SIRT1: variants seen among roughly 807,000 people sequenced by gnomAD.
SIRT1 encodes the protein NAD-dependent protein deacetylase sirtuin-1.
In SIRT1, 24 loss-of-function variants were observed where a neutral mutation model predicts 67.9. The observed-to-expected ratio is 0.35, with a 90% CI of 0.26 to 0.50. The LOEUF (loss-of-function observed/expected upper bound fraction) is 0.50. Among genes scored for constraint, SIRT1 ranks in the 20% least tolerant of loss-of-function variants. The pLI is 0.98. For synonymous variants in SIRT1, 378 were observed against 350.7 expected (o/e 1.08, Z -0.87); for missense variants, 873 against 937.2 (o/e 0.93, Z 0.89).
At chr10:67,889,982 T>C (rs1360896260) in intron 3 of SIRT1, among the ~76,000 whole-genome samples, 3 of 152,034 alleles carry the variant, frequency 2.0e-5, no homozygotes, top group East Asian at 1.9e-4. Context: ...CACCTTTTTT[T>C]TTTTTCTTTT....
At chr10:67,888,798 A>G (rs1842525808) in intron 2 of SIRT1, 84 bp from the exon 3 acceptor site, 1 of 1,470,600 alleles carries the variant, frequency 6.8e-7, no homozygotes, top group East Asian at 2.3e-5. Flanking sequence ...ACCCTCACAG[A>G]ATGCTAACTC....
intron 7 of SIRT1, among the ~76,000 whole-genome samples, chr10:67,911,450 C>G (rs1247289726): frequency 2.0e-5 from 3 of 152,004 alleles, no homozygotes; most frequent in Admixed American, 2.0e-4. Flanking sequence ...TCCTCTGCCT[C>G]TCAAAGCATT....
Position 67,917,253 on chromosome 10 carries a change from G to A in SIRT1, c.*660G>A, listed in dbSNP as rs199763427. On this transcript the variant is annotated 3_prime_UTR_variant, in exon 9 of 9. Coordinates refer to ENST00000212015, the MANE Select transcript of SIRT1 (RefSeq NM_012238.5). ...TGGTGCTAAGAATTTCAGGATTATT[G>A]TATTTACGTTCAAATGAAGATGGCT... The A allele has an allele frequency of 6.6e-6, 1 of 152,574 alleles. No homozygotes were observed. Among genetic ancestry groups the A allele is most frequent in the Non-Finnish European group, 1.5e-5 (1 of 68,018 alleles). 9.5% of individuals were successfully genotyped at this position (152,574 alleles called of 1,614,324 possible). A position where few individuals can be genotyped will look rare whatever the true frequency, so the allele number is the denominator to read the frequency against.
chr10:67,913,034 A>G lies in SIRT1; in HGVS notation c.1915+3A>G. ...GCAGATTAGTAGGCGGCTTGATGGT[A>G]AGAAAGGCAGTCGGACCATTTTGAA... On this transcript the variant is annotated splice_donor_region_variant and intron_variant, in intron 8 of 8. Transcript: ENST00000212015. The G allele has an allele frequency of 6.3e-7, 1 of 1,586,184 alleles. No homozygotes were observed. The highest frequency in any genetic ancestry group is 1.2e-5 in the South Asian group (1 of 86,260).
At chr10:67,899,377 G>A (rs529481624) in intron 4 of SIRT1, among the ~76,000 whole-genome samples, 7 of 151,072 alleles carry the variant, frequency 4.6e-5, no homozygotes, top group East Asian at 1.9e-4. Flanking sequence ...ATACCCAGAC[G>A]TGTGCAGTAT....
chr10:67,898,075 C>G (rs1265353956), intron 4 of SIRT1, among the ~76,000 whole-genome samples: 1 of 146,206 alleles, frequency 6.8e-6, no homozygotes, highest in East Asian at 2.1e-4. Context: ...GCCTGACCAA[C>G]ATGGTGAAAC....
chr10:67,908,172 T>A (rs1258036548), intron 6 of SIRT1, 47 bp downstream of exon 6: 1 of 1,509,560 alleles, frequency 6.6e-7, no homozygotes, highest in African/African-American at 1.4e-5. Context: ...CTCTGAAGTA[T>A]TTCTTCTTTT....
At chr10:67,891,739 A>G (rs1413100335) in intron 4 of SIRT1, among the ~76,000 whole-genome samples, 185 bp downstream of exon 4, 2 of 152,092 alleles carry the variant, frequency 1.3e-5, no homozygotes, top group African/African-American at 4.8e-5. Context: ...TATCTACTTC[A>G]TTTTAGGAGT....
chr10:67,894,069 G>GTT (rs1188953851), intron 4 of SIRT1, among the ~76,000 whole-genome samples: 12 of 152,196 alleles, frequency 7.9e-5, no homozygotes, highest in African/African-American at 2.7e-4. Context: ...GAACTCCGGA[G>GTT]TTTGAGACCA....
intron 5 of SIRT1, among the ~76,000 whole-genome samples, chr10:67,907,682 T>G (rs566310122): frequency 1.8e-4 from 28 of 152,252 alleles, no homozygotes; most frequent in Non-Finnish European, 3.5e-4. Flanking sequence ...TTCTAAGAAC[T>G]GCCGAGCTAA....
Position 67,906,678 on chromosome 10 carries a change from A to G in SIRT1, c.943-112A>G, listed in dbSNP as rs138017907. 24 of 1,085,192 alleles carry G rather than the reference A, an allele frequency of 2.2e-5. No homozygotes were observed. The African/African-American group carries it at 3.0e-4, about 14-fold the overall frequency. The allele number at this position is 1,085,192 out of a possible 1,614,324, so 67.2% of individuals were successfully genotyped here. A position where few individuals can be genotyped will look rare whatever the true frequency, so the allele number is the denominator to read the frequency against. ...TCTAGATACTTTAAAATGCTCATCT[A>G]TTTCATTTTTAAAATTATGTGTGTG... On this transcript the variant is annotated intron_variant, in intron 4 of 8. Coordinates refer to ENST00000212015, the MANE Select transcript of SIRT1 (RefSeq NM_012238.5).
chr10:67,899,092 A>G (rs1190528007), intron 4 of SIRT1, among the ~76,000 whole-genome samples: 3 of 152,060 alleles, frequency 2.0e-5, no homozygotes, highest in African/African-American at 7.2e-5. Context: ...GAAACATGTC[A>G]AAGTTCTTCT....
Position 67,885,171 on chromosome 10 carries a change from C to T in SIRT1, c.430+20C>T. 2 of 1,367,516 alleles carry T rather than the reference C, an allele frequency of 1.5e-6. No homozygotes were observed. Among genetic ancestry groups the T allele is most frequent in the Non-Finnish European group, 1.9e-6 (2 of 1,052,440 alleles). The allele number at this position is 1,367,516 out of a possible 1,614,324, so 84.7% of individuals were successfully genotyped here. On this transcript the variant is annotated intron_variant, in intron 1 of 8. Transcript: ENST00000212015. ...ACCGAGGTGCGCAGGGTGCGGGCGG[C>T]CGGAACTGCGCATCTCCTCCTCCCT...
rs1223860015 is a variant in SIRT1 at position 67,888,882 on chromosome 10, G to A, written c.548G>A (p.Gly183Asp). 1 of 1,606,846 alleles carries A rather than the reference G, an allele frequency of 6.2e-7. No individual in the cohort carries two copies. Among genetic ancestry groups the A allele is most frequent in the Admixed American group, 1.7e-5 (1 of 59,404 alleles). Residue 183 changes from glycine (G) to aspartate (D), a missense_variant and splice_region_variant, in exon 3 of 9, where the codon GGT becomes GAT. By Grantham distance (94) the Gly-to-Asp change is moderately conservative. Transcript: ENST00000212015. ...TTAAGCCTTTTCCCCCTTATTGTAGGTCCATATACTTTTGTTCAGCAACAT... is the reference window on the plus strand; with the variant it reads ...TTAAGCCTTTTCCCCCTTATTGTAGATCCATATACTTTTGTTCAGCAACAT... ...SSDWTPRPRI[G>D]PYTFVQQHLM...
At chr10:67,886,221 G>A (rs1218307303) in intron 1 of SIRT1, among the ~76,000 whole-genome samples, 1 of 151,844 alleles carries the variant, frequency 6.6e-6, no homozygotes, top group East Asian at 1.9e-4. Context: ...GATTACAGGC[G>A]TGAGCCACCG....
intron 2 of SIRT1, 136 bp downstream of exon 2, chr10:67,887,669 C>G (rs1486725147): frequency 1.8e-6 from 1 of 541,466 alleles, no homozygotes; most frequent in Non-Finnish European, 3.3e-6. Context: ...CTCCGCCTTC[C>G]AGGTTCAAGC....
chr10:67,909,593 G>C, intron 7 of SIRT1, 151 bp downstream of exon 7: 1 of 725,112 alleles, frequency 1.4e-6, no homozygotes, highest in Non-Finnish European at 2.1e-6. Context: ...TTTGTTTATT[G>C]AGATGGAGTT....
At position 67,907,199 on chromosome 10, in the gene SIRT1, A is replaced by T. The variant is rs1268650910; in HGVS notation, c.1090+262A>T. ...GCAGTTGCATGCATTCAATTATTTT[A>T]AATAATCTTTTCTGGCTGAGTGCAG... On this transcript the variant is annotated intron_variant, in intron 5 of 8. Transcript: ENST00000212015. Among the ~76,000 whole-genome samples, 4 of 152,220 alleles carry T rather than the reference A, an allele frequency of 2.6e-5. 1 individual carries two copies. Among genetic ancestry groups the T allele is most frequent in the Non-Finnish European group, 5.9e-5 (4 of 68,042 alleles).
At chr10:67,903,546 G>C (rs1279101046) in intron 4 of SIRT1, among the ~76,000 whole-genome samples, 1 of 151,986 alleles carries the variant, frequency 6.6e-6, no homozygotes, top group Non-Finnish European at 1.5e-5. Context: ...ACCATGCCCA[G>C]CTAATTTTTT....
Sources: gnomAD v4.1 joint callset for allele counts (sites outside exome capture counted in the v4.1 genomes callset) on GRCh38, gnomAD v4.1.1 for gene constraint, MANE v1.5 for transcripts, NCBI Gene and HGNC (gene_info 2026-07-23, HGNC 2026-07-21) for gene names.